Variants in PEX3 observed in about 807,000 individuals in gnomAD.
PEX3 encodes the protein peroxin-3.
PEX3 carries 30 observed loss-of-function variants against 55.8 expected under a neutral mutation model. The ratio of observed to expected loss-of-function variants is 0.54; its 90% CI spans 0.40 to 0.73. The LOEUF is 0.73. Ranked by LOEUF, PEX3 falls within the 30% of genes least tolerant of loss-of-function variation. The pLI is 0.00. For missense variants in PEX3, 351 were observed against 432.8 expected (o/e 0.81, Z 1.68); for synonymous variants, 135 against 148.4 (o/e 0.91, Z 0.66).
intron 8 of PEX3, 32 bp from the exon 9 acceptor site, chr6:143,474,754 A>G: frequency 8.5e-7 from 1 of 1,179,348 alleles, no homozygotes; most frequent in Non-Finnish European, 1.3e-6. Flanking sequence ...CTAATGTTTG[A>G]AAACCTTAAG....
In PEX3 at chr6:143,450,860, T is replaced by C; in HGVS notation, c.-183T>C. On this transcript the variant is annotated 5_prime_UTR_variant, in exon 1 of 12. Coordinates refer to ENST00000367591, the MANE Select transcript of PEX3 (RefSeq NM_003630.3). ...GGCAGAAAGCGTAGCTGCTTTGCTG[T>C]AGTCCACGCCCCCTTGCCGCTCCGG... 1.3e-6 allele frequency: 1 copy of C among 765,614 alleles called. No homozygotes were observed. Among genetic ancestry groups the C allele is most frequent in the East Asian group, 2.5e-5 (1 of 40,498 alleles). The allele number at this position is 765,614 out of a possible 1,614,324, so 47.4% of individuals were successfully genotyped here. A position where few individuals can be genotyped will look rare whatever the true frequency, so the allele number is the denominator to read the frequency against.
In PEX3 at chr6:143,482,559, T is replaced by G. The variant is rs760431805; in HGVS notation, c.942-2593T>G. ...AAGGTAATATGGAGGAATAATGGAA[T>G]GAGAATGTTTAAGCAGTTATTGGAA... On this transcript the variant is annotated intron_variant, in intron 10 of 11. Coordinates refer to ENST00000367591, the MANE Select transcript of PEX3 (RefSeq NM_003630.3). This position sits in a 1 kb window ranked among gnomAD's most constrained non-coding sequence, Gnocchi z 5.5. Among the ~76,000 whole-genome samples, 3 of 151,932 alleles carry G rather than the reference T, an allele frequency of 2.0e-5. No homozygotes were observed. The highest frequency in any genetic ancestry group is 4.4e-5 in the Non-Finnish European group (3 of 67,932).
chr6:143,474,646 G>T, intron 8 of PEX3, 140 bp from the exon 9 acceptor site: 1 of 645,028 alleles, frequency 1.6e-6, no homozygotes. Flanking sequence ...TTATTTTGGT[G>T]GGGGAGGGTC....
chr6:143,474,315 C>T (rs1330009514), intron 8 of PEX3, among the ~76,000 whole-genome samples: 4 of 151,804 alleles, frequency 2.6e-5, no homozygotes, highest in Admixed American at 6.6e-5. Flanking sequence ...CAAACTTAGC[C>T]GGTCGTGGTG....
rs1780212758 is a variant in PEX3 at position 143,479,989 on chromosome 6, A to G, written c.941+791A>G. ...AAATTTTTTTTTTAATTGGGGACAC[A>G]GTAATTGATAGGCAATATGTATGTG... On this transcript the variant is annotated intron_variant, in intron 10 of 11. Transcript: ENST00000367591. This position sits in a 1 kb window ranked among gnomAD's most constrained non-coding sequence, Gnocchi z 4.6. Among the ~76,000 whole-genome samples, 1 of 152,080 alleles carries G rather than the reference A, an allele frequency of 6.6e-6. No individual in the cohort carries two copies. The highest frequency in any genetic ancestry group is 1.5e-5 in the Non-Finnish European group (1 of 67,946).
intron 1 of PEX3, among the ~76,000 whole-genome samples, chr6:143,452,695 G>T (rs1421664570): frequency 6.6e-6 from 1 of 152,194 alleles, no homozygotes; most frequent in Admixed American, 6.5e-5. Flanking sequence ...AAAGGAGTCA[G>T]TCTGAAAAGA....
Position 143,451,263 on chromosome 6 carries a change from C to A in PEX3, c.73+148C>A. ...ATGGGATGAAAAGGGAGGTGGCCAACCTCCAGGGTTCTCCCATCTCTGCAG... is the reference window on the plus strand; with the variant it reads ...ATGGGATGAAAAGGGAGGTGGCCAAACTCCAGGGTTCTCCCATCTCTGCAG... On this transcript the variant is annotated intron_variant, in intron 1 of 11. Coordinates refer to ENST00000367591, the MANE Select transcript of PEX3 (RefSeq NM_003630.3). The surrounding 1 kb of genome is among the most constrained non-coding windows in gnomAD (Gnocchi z 4.1). 1.4e-6 allele frequency: 1 copy of A among 694,460 alleles called. No individual in the cohort carries two copies. Among genetic ancestry groups the A allele is most frequent in the Non-Finnish European group, 2.6e-6 (1 of 384,998 alleles). The allele number at this position is 694,460 out of a possible 1,614,324, so 43.0% of individuals were successfully genotyped here. A position where few individuals can be genotyped will look rare whatever the true frequency, so the allele number is the denominator to read the frequency against.
At chr6:143,481,768 G>C (rs1302727926) in intron 10 of PEX3, among the ~76,000 whole-genome samples, 1 of 151,896 alleles carries the variant, frequency 6.6e-6, no homozygotes, top group Non-Finnish European at 1.5e-5. Flanking sequence ...CTGTAATCCT[G>C]ATGCTTTTGG....
In PEX3 at chr6:143,471,995, G is replaced by A. The variant is rs148145962; in HGVS notation, c.579-165G>A. Among the ~76,000 whole-genome samples, 812 of 152,214 alleles carry A rather than the reference G, an allele frequency of 5.3e-3. 6 individuals carry two copies. Among genetic ancestry groups the A allele is most frequent in the South Asian group, 0.011 (52 of 4,818 alleles). On this transcript the variant is annotated intron_variant, in intron 7 of 11. Transcript: ENST00000367591. This position sits in a 1 kb window ranked among gnomAD's most constrained non-coding sequence, Gnocchi z 5.4. ...TACTTTTCTTGGCTCTGTAGTAATG[G>A]CCCTTAACTAGTGGCTGATTTCGTA...
chr6:143,459,539 G>A lies in PEX3; in HGVS notation c.205+323G>A, dbSNP rs1272979352. On this transcript the variant is annotated intron_variant, in intron 2 of 11. Transcript: ENST00000367591. This position sits in a 1 kb window ranked among gnomAD's most constrained non-coding sequence, Gnocchi z 4.2. ...AACAACAAATAAGTAACTTTAGGCA[G>A]TGATGGCTGCCATATGGAACATAAA... 6.6e-6 allele frequency among the ~76,000 whole-genome samples: 1 copy of A among 152,222 alleles called. No individual in the cohort carries two copies. Among genetic ancestry groups the A allele is most frequent in the African/African-American group, 2.4e-5 (1 of 41,454 alleles).
rs1779954151 is a variant in PEX3 at position 143,463,680 on chromosome 6, A to T, written c.287+683A>T. On this transcript the variant is annotated intron_variant, in intron 3 of 11. Coordinates refer to ENST00000367591, the MANE Select transcript of PEX3 (RefSeq NM_003630.3). This position sits in a 1 kb window ranked among gnomAD's most constrained non-coding sequence, Gnocchi z 5.7. ...AAATGGTTTCACTAAATAAATGTTA[A>T]TCATTGTGGCCTTCCTAAAATAATC... Among the ~76,000 whole-genome samples the T allele has an allele frequency of 6.6e-6, 1 of 152,292 alleles. No homozygotes were observed. The highest frequency in any genetic ancestry group is 6.5e-5 in the Admixed American group (1 of 15,300).
rs1304040810 is a variant in PEX3 at position 143,458,123 on chromosome 6, G to A, written c.74-962G>A. ...GATAAAAGCTAGTTGAAGAGCTTAA[G>A]CTTTGGAATGTGGCTTTTGATCAAG... On this transcript the variant is annotated intron_variant, in intron 1 of 11. Coordinates refer to ENST00000367591, the MANE Select transcript of PEX3 (RefSeq NM_003630.3). The surrounding 1 kb of genome is among the most constrained non-coding windows in gnomAD (Gnocchi z 6.1). Among the ~76,000 whole-genome samples, 1 of 152,176 alleles carries A rather than the reference G, an allele frequency of 6.6e-6. No individual in the cohort carries two copies. The highest frequency in any genetic ancestry group is 1.5e-5 in the Non-Finnish European group (1 of 68,028).
intron 4 of PEX3, among the ~76,000 whole-genome samples, chr6:143,470,407 A>C (rs915785221): frequency 6.6e-6 from 1 of 152,304 alleles, no homozygotes; most frequent in East Asian, 1.9e-4. Flanking sequence ...CTGTGTTACC[A>C]GATCTGCTGG....
chr6:143,483,960 G>A lies in PEX3; in HGVS notation c.942-1192G>A, dbSNP rs945878489. Among the ~76,000 whole-genome samples the A allele has an allele frequency of 9.2e-5, 14 of 151,562 alleles. No homozygotes were observed. The highest frequency in any genetic ancestry group is 5.9e-4 in the Admixed American group (9 of 15,186). ...ACAAAGGTACCATGAAAAAAAAAAT[G>A]CCTGCTTCCCTCAGGAATACATAAA... On this transcript the variant is annotated intron_variant, in intron 10 of 11. Transcript: ENST00000367591. The surrounding 1 kb of genome is among the most constrained non-coding windows in gnomAD (Gnocchi z 4.3).
chr6:143,478,368 G>A (rs1780181190), intron 9 of PEX3, among the ~76,000 whole-genome samples: 1 of 152,034 alleles, frequency 6.6e-6, no homozygotes, highest in Admixed American at 6.6e-5. Flanking sequence ...ATTGACTTGT[G>A]CATTTAAAAT....
chr6:143,484,267 A>G (rs1780283910), intron 10 of PEX3, among the ~76,000 whole-genome samples: 1 of 152,134 alleles, frequency 6.6e-6, no homozygotes, highest in East Asian at 1.9e-4. Flanking sequence ...TGCTCTAACA[A>G]GTTAAAAAGT....
rs372029508 is a variant in PEX3 at position 143,454,451 on chromosome 6, C to A, written c.73+3336C>A. Among the ~76,000 whole-genome samples, 311 of 152,322 alleles carry A rather than the reference C, an allele frequency of 2.0e-3. No homozygotes were observed. The highest frequency in any genetic ancestry group is 7.0e-3 in the African/African-American group (293 of 41,574). ...TTACTGGTTTCTGAAAACCTCAGAA[C>A]ATTGACTTGGATTTATACCTTAAAT... On this transcript the variant is annotated intron_variant, in intron 1 of 11. Transcript: ENST00000367591. This position sits in a 1 kb window ranked among gnomAD's most constrained non-coding sequence, Gnocchi z 4.3.
rs1187618202 is a variant in PEX3, at chr6:143,475,470, G to A, written c.818+614G>A. Among the ~76,000 whole-genome samples the A allele has an allele frequency of 6.6e-6, 1 of 152,054 alleles. No homozygotes were observed. The highest frequency in any genetic ancestry group is 2.4e-5 in the African/African-American group (1 of 41,402). ...AGTTCAAGACCAGCCTGGGTAACAT[G>A]GCAAAAACCCCATCTTAAACAAAAG... On this transcript the variant is annotated intron_variant, in intron 9 of 11. Coordinates refer to ENST00000367591, the MANE Select transcript of PEX3 (RefSeq NM_003630.3). The surrounding 1 kb of genome is among the most constrained non-coding windows in gnomAD (Gnocchi z 4.4).
At chr6:143,473,566 G>A (rs1350053092) in intron 8 of PEX3, among the ~76,000 whole-genome samples, 3 of 152,104 alleles carry the variant, frequency 2.0e-5, no homozygotes, top group African/African-American at 7.2e-5. Flanking sequence ...CTAGATTGAT[G>A]AAAAAAGACA....
Sources: allele counts gnomAD v4.1 joint callset (sites outside exome capture counted in the v4.1 genomes callset), GRCh38; gene constraint gnomAD v4.1.1; non-coding constraint Gnocchi (gnomAD v3.1); transcripts MANE v1.5; gene names NCBI Gene and HGNC (gene_info 2026-07-23, HGNC 2026-07-21).